Variants in ANO3 observed in about 807,000 individuals in gnomAD.
ANO3 encodes anoctamin 3.
In ANO3, 99 loss-of-function variants were observed where a neutral mutation model predicts 144.8. The observed-to-expected ratio is 0.68, with a 90% CI of 0.58 to 0.81. The LOEUF (loss-of-function observed/expected upper bound fraction) is 0.81, where lower values mean the gene tolerates loss of function less well. ANO3 is among the 30% of genes least tolerant of loss of function. ANO3 has a pLI of 0.00. For synonymous variants in ANO3, 414 were observed against 392.6 expected, an observed-to-expected ratio of 1.05 and a Z score of -0.64; for missense variants, 905 against 1,202.2, an observed-to-expected ratio of 0.75 and a Z score of 3.66.
chr11:26,339,303 C>T (rs781077116), intron 1 of ANO3, among the ~76,000 whole-genome samples: 10 of 152,098 alleles, frequency 6.6e-5, no homozygotes, highest in Middle Eastern at 3.4e-3. Context: ...TACAGGCCCC[C>T]GCCACCATGC....
intron 8 of ANO3, among the ~76,000 whole-genome samples, chr11:26,534,127 A>C (rs1355116955): frequency 6.6e-6 from 1 of 152,208 alleles, no homozygotes; most frequent in African/African-American, 2.4e-5. Context: ...TATGGGGGAT[A>C]ACATGAATTT....
chr11:26,552,125 T>A (rs1849949059), intron 12 of ANO3, among the ~76,000 whole-genome samples: 1 of 152,008 alleles, frequency 6.6e-6, no homozygotes, highest in South Asian at 2.1e-4. Flanking sequence ...TTTTCTCTTT[T>A]TACTGGAGAT....
rs112078531 is a variant in ANO3, at chr11:26,302,370, C to A, written c.155-7275C>A. ...AATAGCTGGGCATGGTGACGCACGC[C>A]TGTAATGCCAGTTACTCAGGAGGCT... On this transcript the variant is annotated intron_variant, in intron 1 of 27. Coordinates refer to the ANO3 transcript ENST00000672621. Among the ~76,000 whole-genome samples, 796 of 152,254 alleles carry A rather than the reference C, an allele frequency of 5.2e-3. 2 individuals carry two copies. The highest frequency in any genetic ancestry group is 0.018 in the African/African-American group (767 of 41,548).
intron 1 of ANO3, among the ~76,000 whole-genome samples, chr11:26,313,103 G>C (rs574209535): frequency 6.6e-6 from 1 of 152,022 alleles, no homozygotes; most frequent in East Asian, 1.9e-4. Context: ...CATTTTATTC[G>C]TTGGATAAAA....
intron 11 of ANO3, among the ~76,000 whole-genome samples, chr11:26,544,273 T>TATATATATATATATATACACAC: frequency 4.1e-4 from 24 of 58,556 alleles, no homozygotes; most frequent in East Asian, 1.2e-3. Flanking sequence ...TATATATATA[T>TATATATATATATATATACACAC]ACACACATAC....
At chr11:26,458,662 A>G (rs547103501) in intron 3 of ANO3, among the ~76,000 whole-genome samples, 50 of 152,282 alleles carry the variant, frequency 3.3e-4, no homozygotes, top group African/African-American at 1.2e-3. Context: ...AAATATTCCC[A>G]TATATAAGCA....
intron 1 of ANO3, among the ~76,000 whole-genome samples, chr11:26,248,233 G>C (rs976795552): frequency 6.6e-6 from 1 of 152,086 alleles, no homozygotes; most frequent in Non-Finnish European, 1.5e-5. Context: ...AACTACTCGG[G>C]AGGCTGAGGC....
intron 1 of ANO3, among the ~76,000 whole-genome samples, chr11:26,437,867 A>C (rs1218582568): frequency 6.6e-6 from 1 of 152,234 alleles, no homozygotes; most frequent in Non-Finnish European, 1.5e-5. Context: ...ATTGGGAATT[A>C]GAATTTAACA....
At chr11:26,303,492 A>G (rs1854284898) in intron 1 of ANO3, among the ~76,000 whole-genome samples, 1 of 152,184 alleles carries the variant, frequency 6.6e-6, no homozygotes, top group Non-Finnish European at 1.5e-5. Flanking sequence ...GGAGCTAAGT[A>G]TCAAGTACAT....
chr11:26,662,419 G>A lies in ANO3; in HGVS notation c.*1975G>A, dbSNP rs928788968. 1.1e-4 allele frequency: 16 copies of A among 150,800 alleles called. No homozygotes were observed. The highest frequency in any genetic ancestry group is 3.9e-4 in the African/African-American group (16 of 40,934). 9.3% of individuals were successfully genotyped at this position (150,800 alleles called of 1,614,324 possible). The stretch of plus-strand genomic sequence containing the variant: ...ATAGCATCTGCATTTCTTTTTCTTT[G>A]TTAGGTACATGTATACACCTGCCTG... On this transcript the variant is annotated 3_prime_UTR_variant, in exon 27 of 27. Coordinates refer to ENST00000256737, the MANE Select transcript of ANO3 (RefSeq NM_031418.4).
chr11:26,587,673 G>A (rs1171206008), intron 14 of ANO3, among the ~76,000 whole-genome samples: 1 of 152,134 alleles, frequency 6.6e-6, no homozygotes, highest in African/African-American at 2.4e-5. Flanking sequence ...TAAAAAGGTT[G>A]GGGCCAGGTG....
rs141919826 is a variant in ANO3, at chr11:26,258,424, C to T, written c.155-51221C>T. Reference sequence around the variant, plus strand: ...CATTGTGCTAAGTATCACTGTGAAGCTATGAGCGAGAATACTTACAAATAA... The same window carrying T: ...CATTGTGCTAAGTATCACTGTGAAGTTATGAGCGAGAATACTTACAAATAA... On this transcript the variant is annotated intron_variant, in intron 1 of 27. Coordinates refer to the ANO3 transcript ENST00000672621. Among the ~76,000 whole-genome samples the T allele has an allele frequency of 3.4e-3, 520 of 152,258 alleles. 6 individuals carry two copies. The highest frequency in any genetic ancestry group is 0.01 in the Middle Eastern group (3 of 294).
At chr11:26,202,323 CATATGATATATATA>C (rs1269742476) in intron 1 of ANO3, among the ~76,000 whole-genome samples, 2 of 143,056 alleles carry the variant, frequency 1.4e-5, no homozygotes, top group Non-Finnish European at 3.0e-5. Flanking sequence ...CATATAGATA[CATATGATATATATA>C]ATATAGATTA....
At chr11:26,428,643 C>A (rs1038641560) in intron 1 of ANO3, among the ~76,000 whole-genome samples, 8 of 152,066 alleles carry the variant, frequency 5.3e-5, no homozygotes, top group Admixed American at 3.9e-4. Context: ...CCCGAGGAGT[C>A]AGTTAGGGAA....
At chr11:26,314,389 T>A (rs1187324308) in intron 1 of ANO3, among the ~76,000 whole-genome samples, 1 of 152,200 alleles carries the variant, frequency 6.6e-6, no homozygotes, top group Non-Finnish European at 1.5e-5. Context: ...AGTATTAGGA[T>A]TGAGATAAGT....
At chr11:26,307,721 AAATAATAATAATAATAATAATAAT>A (rs56805697), upstream of ANO3, among the ~76,000 whole-genome samples, 1 of 142,512 alleles carries the variant, frequency 7.0e-6, no homozygotes, top group African/African-American at 2.6e-5. Context: ...CTCCGTCTCT[AAATAATAATAATAATAATAATAAT>A]AATAATAATA....
chr11:26,325,610 A>C (rs1469515659), intron 1 of ANO3, among the ~76,000 whole-genome samples: 1 of 152,202 alleles, frequency 6.6e-6, no homozygotes, highest in Admixed American at 6.5e-5. Context: ...TTTCATCCTA[A>C]GACTTGTTTT....
chr11:26,501,018 G>C (rs559813654), intron 4 of ANO3, among the ~76,000 whole-genome samples: 1 of 152,048 alleles, frequency 6.6e-6, no homozygotes, highest in Admixed American at 6.6e-5. Flanking sequence ...ATTAAAAATT[G>C]CCATAAAAGG....
chr11:26,350,063 G>T (rs1855601354), intron 1 of ANO3, among the ~76,000 whole-genome samples: 1 of 152,146 alleles, frequency 6.6e-6, no homozygotes, highest in Non-Finnish European at 1.5e-5. Flanking sequence ...ACGGAAGGGG[G>T]AGGAGACAGG....
Sources: allele counts gnomAD v4.1 joint callset (sites outside exome capture counted in the v4.1 genomes callset), GRCh38; gene constraint gnomAD v4.1.1; transcripts MANE v1.5; gene names NCBI Gene and HGNC (gene_info 2026-07-23, HGNC 2026-07-21).